Variants in TMPRSS12 observed in about 807,000 individuals in gnomAD.
The protein encoded by TMPRSS12 is transmembrane protease serine 12.
TMPRSS12 carries 25 observed loss-of-function variants against 26.0 expected under a neutral mutation model. The observed-to-expected ratio is 0.96, with a 90% CI of 0.70 to 1.34. TMPRSS12 has a LOEUF of 1.34. Ranked by LOEUF, TMPRSS12 falls within the 40% of genes most tolerant of loss-of-function variation. The pLI is 0.00. For missense variants in TMPRSS12, 441 were observed against 440.1 expected, an observed-to-expected ratio of 1.00 and a Z score of -0.02; for synonymous variants, 150 against 161.7, an observed-to-expected ratio of 0.93 and a Z score of 0.55.
chr12:50,869,892 G>A (rs1938025786), intron 3 of TMPRSS12, among the ~76,000 whole-genome samples: 1 of 152,150 alleles, frequency 6.6e-6, no homozygotes, highest in South Asian at 2.1e-4. Context: ...AGACCAGCCT[G>A]GCCAACTTGG....
At chr12:50,846,398 T>C (rs1352113470) in intron 2 of TMPRSS12, among the ~76,000 whole-genome samples, 2 of 152,204 alleles carry the variant, frequency 1.3e-5, no homozygotes, top group Non-Finnish European at 2.9e-5. Context: ...GAAAAGTTTG[T>C]CCTTTCCCCA....
chr12:50,882,878 C>G (rs1938189618), intron 3 of TMPRSS12, among the ~76,000 whole-genome samples: 1 of 152,020 alleles, frequency 6.6e-6, no homozygotes, highest in Non-Finnish European at 1.5e-5. Flanking sequence ...CCAAAGAATA[C>G]AAAAGGAAGG....
chr12:50,886,649 C>T (rs1938229594), intron 4 of TMPRSS12: 1 of 152,200 alleles, frequency 6.6e-6, no homozygotes, highest in South Asian at 2.1e-4. Flanking sequence ...ATTAACAGGC[C>T]TTAGTAACAG....
At position 50,853,599 on chromosome 12, in the gene TMPRSS12, AG is replaced by A. The variant is rs1405278742; in HGVS notation, c.384-5185del. ...AGACTAACAAAAAAAAAAAAAAAAA[AG>A]AAGAAGGAGAGAGAAGATCCAAATA... On this transcript the variant is annotated intron_variant, in intron 2 of 4. Coordinates refer to ENST00000398458, the MANE Select transcript of TMPRSS12 (RefSeq NM_182559.3). Among the ~76,000 whole-genome samples, 820 of 146,154 alleles carry A rather than the reference AG, an allele frequency of 5.6e-3. 3 individuals carry two copies. The highest frequency in any genetic ancestry group is 0.02 in the African/African-American group (795 of 39,250).
chr12:50,857,940 T>C (rs1937896897), intron 2 of TMPRSS12, among the ~76,000 whole-genome samples: 1 of 152,052 alleles, frequency 6.6e-6, no homozygotes, highest in South Asian at 2.1e-4. Flanking sequence ...GCCATTCTCC[T>C]GCCTCAGCCT....
At chr12:50,884,429 T>C (rs1038979208) in intron 3 of TMPRSS12, among the ~76,000 whole-genome samples, 2 of 152,168 alleles carry the variant, frequency 1.3e-5, no homozygotes, top group African/African-American at 4.8e-5. Context: ...TCTACTCCAT[T>C]TCTATACACT....
intron 3 of TMPRSS12, among the ~76,000 whole-genome samples, chr12:50,862,272 T>C (rs920507713): frequency 4.6e-5 from 7 of 152,158 alleles, no homozygotes; most frequent in Non-Finnish European, 1.0e-4. Flanking sequence ...AGAGGGAGAA[T>C]ACATAGGTTA....
In TMPRSS12 at chr12:50,858,979, C is replaced by T. The variant is rs778717566; in HGVS notation, c.578C>T (p.Pro193Leu). The T allele has an allele frequency of 2.5e-6, 4 of 1,599,716 alleles. No homozygotes were observed. The highest frequency in any genetic ancestry group is 1.3e-5 in the African/African-American group (1 of 74,746). Residue 193 changes from proline (P) to leucine (L), a missense_variant, in exon 3 of 5, where the codon CCT becomes CTT. By Grantham distance (98) the Pro-to-Leu change is moderately conservative. Transcript: ENST00000398458. ...GACTATATTCAGCCTATTTGCCTAC[C>T]TTTTGATGTTTTCCAAATCCTGGAC... is the stretch of plus-strand genomic sequence containing the variant. ...YNDYIQPICL[P>L]FDVFQILDGN...
intron 2 of TMPRSS12, among the ~76,000 whole-genome samples, chr12:50,844,274 C>T (rs1452121905): frequency 1.3e-5 from 2 of 151,964 alleles, no homozygotes; most frequent in Non-Finnish European, 2.9e-5. Context: ...TATACATGTC[C>T]ATGGTGGTTT....
At chr12:50,854,619 T>TA (rs954272723) in intron 2 of TMPRSS12, among the ~76,000 whole-genome samples, 8 of 151,144 alleles carry the variant, frequency 5.3e-5, no homozygotes, top group Middle Eastern at 3.4e-3. Flanking sequence ...AACTTCAGGA[T>TA]AAAAAAAAAG....
intron 2 of TMPRSS12, among the ~76,000 whole-genome samples, chr12:50,846,298 T>C (rs576280866): frequency 6.6e-6 from 1 of 152,326 alleles, no homozygotes; most frequent in South Asian, 2.1e-4. Context: ...CTTTGATTCA[T>C]TTTGAGTCCA....
At chr12:50,865,149 TG>T (rs908616201) in intron 3 of TMPRSS12, among the ~76,000 whole-genome samples, 1 of 151,976 alleles carries the variant, frequency 6.6e-6, no homozygotes, top group African/African-American at 2.4e-5. Context: ...CTAGCCAACA[TG>T]GTGAAACCCC....
chr12:50,846,038 T>C lies in TMPRSS12; in HGVS notation c.383+2001T>C, dbSNP rs746204503. ...GTTCTTTATGTATTCTGGATATTAA[T>C]CTGTTGTCAGACACATTATTTGCAA... On this transcript the variant is annotated intron_variant, in intron 2 of 4. Coordinates refer to ENST00000398458, the MANE Select transcript of TMPRSS12 (RefSeq NM_182559.3). Among the ~76,000 whole-genome samples the C allele has an allele frequency of 7.9e-5, 12 of 152,326 alleles. No homozygotes were observed. The South Asian group carries it at 2.5e-3, about 32-fold the overall frequency.
At chr12:50,857,842 G>T (rs1404057308) in intron 2 of TMPRSS12, among the ~76,000 whole-genome samples, 3 of 149,806 alleles carry the variant, frequency 2.0e-5, no homozygotes, top group Non-Finnish European at 3.0e-5. Context: ...TGTTGTTGTT[G>T]TTTTGAGACA....
At chr12:50,849,957 A>G (rs1357583277) in intron 2 of TMPRSS12, among the ~76,000 whole-genome samples, 1 of 147,420 alleles carries the variant, frequency 6.8e-6, no homozygotes, top group Non-Finnish European at 1.5e-5. Flanking sequence ...TTCTGTCTTT[A>G]TAGTTTTTCT....
At chr12:50,843,797 T>C in intron 1 of TMPRSS12, 45 bp from the exon 2 acceptor site, 1 of 1,530,926 alleles carries the variant, frequency 6.5e-7, no homozygotes, top group Non-Finnish European at 8.8e-7. Context: ...AAGTAACACA[T>C]ACTATAGATG....
Position 50,887,251 on chromosome 12 carries a change from T to C in TMPRSS12, c.796-11T>C, listed in dbSNP as rs753309456. ...GAAGTAACAAACACTATTTTGGGAC[T>C]TTTTTGACAGGGTGACAGTGGGGGA... On this transcript the variant is annotated splice_polypyrimidine_tract_variant and intron_variant, in intron 4 of 4. Transcript: ENST00000398458. 6.2e-7 allele frequency: 1 copy of C among 1,610,470 alleles called. No individual in the cohort carries two copies. The highest frequency in any genetic ancestry group is 1.1e-5 in the South Asian group (1 of 90,606).
intron 3 of TMPRSS12, among the ~76,000 whole-genome samples, chr12:50,880,715 A>G (rs1938155206): frequency 6.6e-6 from 1 of 152,148 alleles, no homozygotes; most frequent in African/African-American, 2.4e-5. Context: ...ATTATTAATA[A>G]TACACCAAAC....
Position 50,858,986 on chromosome 12 carries a change from T to C in TMPRSS12, c.585T>C (p.Asp195=). 1.2e-6 allele frequency: 2 copies of C among 1,602,332 alleles called. No homozygotes were observed. Among genetic ancestry groups the C allele is most frequent in the Non-Finnish European group, 1.7e-6 (2 of 1,174,330 alleles). ...TTCAGCCTATTTGCCTACCTTTTGA[T>C]GTTTTCCAAATCCTGGACGGAAACA... The part of the protein sequence containing the change: ...DYIQPICLPF[D]VFQILDGNTK... Residue 195 remains aspartate, a synonymous_variant, in exon 3 of 5, where the codon GAT becomes GAC. Coordinates refer to ENST00000398458, the MANE Select transcript of TMPRSS12 (RefSeq NM_182559.3).
Sources: allele counts gnomAD v4.1 joint callset (sites outside exome capture counted in the v4.1 genomes callset), GRCh38; gene constraint gnomAD v4.1.1; transcripts MANE v1.5; gene names NCBI Gene and HGNC (gene_info 2026-07-23, HGNC 2026-07-21).